The following MOCOS variants were observed in gnomAD, a reference collection of about 807,000 sequenced individuals.
The protein encoded by MOCOS is human molybdenum cofactor sulfurase.
Under a neutral mutation model 83.6 loss-of-function variants are expected in MOCOS, and 86 were observed. The ratio of observed to expected loss-of-function variants is 1.03; its 90% confidence interval spans 0.86 to 1.23. The LOEUF (loss-of-function observed/expected upper bound fraction) is 1.23, where lower values mean the gene tolerates loss of function less well. MOCOS is among the 50% of genes most tolerant of loss of function. The pLI, the probability that MOCOS is intolerant of heterozygous loss-of-function variation, is 0.00. For missense variants in MOCOS, 1,120 were observed against 1,126.9 expected, an observed-to-expected ratio of 0.99 and a Z score of 0.09; for synonymous variants, 445 against 434.7, an observed-to-expected ratio of 1.02 and a Z score of -0.29.
At chr18:36,198,328 G>A (rs1227160503) in intron 2 of MOCOS, among the ~76,000 whole-genome samples, 2 of 152,160 alleles carry the variant, frequency 1.3e-5, no homozygotes, top group Non-Finnish European at 2.9e-5. Context: ...GTTTGAGGCT[G>A]CAGTGACCTA....
chr18:36,215,710 C>T lies in MOCOS; in HGVS notation c.1530C>T (p.Ala510=). ...ATGCTGACACCGGGGAGACTGGAGCCCCATCAGCAGACAGCCAGGCTGATG... is the reference window on the plus strand; with the variant it reads ...ATGCTGACACCGGGGAGACTGGAGCTCCATCAGCAGACAGCCAGGCTGATG... ...QAHADTGETG[A]PSADSQADVI... The change falls in exon 8 of 15, where the codon GCC becomes GCT. Residue 510 remains alanine (A), a synonymous_variant. Coordinates refer to ENST00000261326, the MANE Select transcript of MOCOS (RefSeq NM_017947.4). 1.9e-6 allele frequency: 3 copies of T among 1,614,170 alleles called. No individual in the cohort carries two copies. Among genetic ancestry groups the T allele is most frequent in the Admixed American group, 3.3e-5 (2 of 60,024 alleles).
chr18:36,255,884 GTTTTT>G (rs74181121), intron 11 of MOCOS, among the ~76,000 whole-genome samples: 104 of 134,042 alleles, frequency 7.8e-4, no homozygotes, highest in Middle Eastern at 3.9e-3. Context: ...CCTTTTAGTA[GTTTTT>G]TTTTTTTTTT....
In MOCOS at chr18:36,189,261, C is replaced by T. The variant is rs372804624; in HGVS notation, c.142+1580C>T. Reference sequence around the variant, plus strand: ...AATTGGGATGTGTCAGCCAGGCTGGCCCTCAGAACTCGTTACCACTTACTG... The same window carrying T: ...AATTGGGATGTGTCAGCCAGGCTGGTCCTCAGAACTCGTTACCACTTACTG... On this transcript the variant is annotated intron_variant, in intron 1 of 14. Transcript: ENST00000261326. 1.4e-3 allele frequency among the ~76,000 whole-genome samples: 213 copies of T among 152,288 alleles called. 2 individuals carry two copies. The highest frequency in any genetic ancestry group is 4.9e-3 in the African/African-American group (203 of 41,562).
chr18:36,259,308 G>C (rs1420626531), intron 12 of MOCOS, among the ~76,000 whole-genome samples: 1 of 151,952 alleles, frequency 6.6e-6, no homozygotes, highest in Non-Finnish European at 1.5e-5. Context: ...AGCTGGGCAT[G>C]GTGGCACATG....
At chr18:36,250,960 T>A (rs1479158220) in intron 10 of MOCOS, among the ~76,000 whole-genome samples, 199 bp from the exon 11 acceptor site, 1 of 152,234 alleles carries the variant, frequency 6.6e-6, no homozygotes, top group Non-Finnish European at 1.5e-5. Flanking sequence ...TTATTTGGTC[T>A]GAAAGCTTCA....
At chr18:36,195,434 A>T (rs2091383607) in intron 2 of MOCOS, 88 bp downstream of exon 2, 1 of 1,240,964 alleles carries the variant, frequency 8.1e-7, no homozygotes, top group African/African-American at 1.5e-5. Flanking sequence ...ATAGGCCAGG[A>T]ATATTCTGAC....
intron 13 of MOCOS, among the ~76,000 whole-genome samples, chr18:36,266,263 G>A (rs2091681594): frequency 6.6e-6 from 1 of 152,070 alleles, no homozygotes; most frequent in South Asian, 2.1e-4. Flanking sequence ...AGCCTCCTGG[G>A]TAGATGGGAT....
intron 13 of MOCOS, among the ~76,000 whole-genome samples, chr18:36,264,117 G>C (rs556459653): frequency 4.3e-4 from 65 of 152,296 alleles, no homozygotes; most frequent in Middle Eastern, 3.4e-3. Context: ...GGAGTTTGCA[G>C]AGAGCTGCCT....
At chr18:36,192,610 A>G (rs2091370475) in intron 1 of MOCOS, among the ~76,000 whole-genome samples, 1 of 152,198 alleles carries the variant, frequency 6.6e-6, no homozygotes, top group Admixed American at 6.5e-5. Flanking sequence ...TCTAAAATTT[A>G]TATAGAAATG....
chr18:36,253,129 G>A (rs1488665649), intron 11 of MOCOS, among the ~76,000 whole-genome samples: 1 of 152,158 alleles, frequency 6.6e-6, no homozygotes, highest in Non-Finnish European at 1.5e-5. Flanking sequence ...AAATCTCTAA[G>A]TGCCAATTAT....
At chr18:36,195,917 G>A (rs2091385588) in intron 2 of MOCOS, among the ~76,000 whole-genome samples, 1 of 147,658 alleles carries the variant, frequency 6.8e-6, no homozygotes, top group African/African-American at 2.5e-5. Flanking sequence ...GTTGGCTTGT[G>A]CATGTCTAGG....
intron 9 of MOCOS, among the ~76,000 whole-genome samples, chr18:36,234,368 T>A (rs1450910102): frequency 1.3e-5 from 2 of 152,212 alleles, no homozygotes; most frequent in East Asian, 3.8e-4. Context: ...CTGGGTTCTT[T>A]ATTCTGTTCC....
intron 8 of MOCOS, among the ~76,000 whole-genome samples, chr18:36,217,518 CT>C (rs905093802): frequency 6.6e-6 from 1 of 152,072 alleles, no homozygotes; most frequent in Non-Finnish European, 1.5e-5. Flanking sequence ...GAACCTTTGC[CT>C]TTGTCCACAC....
intron 7 of MOCOS, 47 bp downstream of exon 7, chr18:36,213,529 C>A (rs1474951790): frequency 4.0e-6 from 6 of 1,507,366 alleles, no homozygotes; most frequent in Non-Finnish European, 4.6e-6. Flanking sequence ...CGAGACCCAG[C>A]AACACCTGTT....
chr18:36,242,550 A>G (rs964787233), intron 9 of MOCOS, among the ~76,000 whole-genome samples: 2 of 152,134 alleles, frequency 1.3e-5, no homozygotes, highest in Admixed American at 6.5e-5. Flanking sequence ...CCTGGTACCA[A>G]TTTACTGTAT....
chr18:36,257,035 A>G lies in MOCOS; in HGVS notation c.2232A>G (p.Thr744=), dbSNP rs139763251. ...AGGCACAGTATCTGCTGATCAACAC[A>G]TCCAGTATTTTGGAACTTCACCGGC... The part of the protein sequence containing the change: ...VNEAQYLLIN[T]SSILELHRQL... Residue 744 remains threonine (T), a synonymous_variant, in exon 12 of 15, where the codon ACA becomes ACG. Coordinates refer to ENST00000261326, the MANE Select transcript of MOCOS (RefSeq NM_017947.4). 6.2e-7 allele frequency: 1 copy of G among 1,614,140 alleles called. No individual in the cohort carries two copies. Among genetic ancestry groups the G allele is most frequent in the South Asian group, 1.1e-5 (1 of 91,086 alleles).
At chr18:36,239,412 AT>A (rs1380701309) in intron 9 of MOCOS, among the ~76,000 whole-genome samples, 5 of 135,090 alleles carry the variant, frequency 3.7e-5, no homozygotes, top group African/African-American at 1.9e-4. Context: ...TTGGCTGGAT[AT>A]GAAATTCTGG....
At chr18:36,240,613 G>A (rs1392526600) in intron 9 of MOCOS, among the ~76,000 whole-genome samples, 5 of 151,696 alleles carry the variant, frequency 3.3e-5, no homozygotes, top group Non-Finnish European at 5.9e-5. Context: ...GCCCCCAGAG[G>A]TGGAGCCTAC....
chr18:36,227,536 C>T (rs1039325398), intron 9 of MOCOS, among the ~76,000 whole-genome samples: 5 of 152,006 alleles, frequency 3.3e-5, no homozygotes, highest in African/African-American at 7.3e-5. Context: ...GCTGGGATAA[C>T]AAGTGCATGC....
Sources: allele counts gnomAD v4.1 joint callset (sites outside exome capture counted in the v4.1 genomes callset), GRCh38; gene constraint gnomAD v4.1.1; transcripts MANE v1.5; gene names NCBI Gene and HGNC (gene_info 2026-07-23, HGNC 2026-07-21).